Variants in IGFBP5 observed in about 807,000 individuals in gnomAD.
IGFBP5 encodes the protein insulin-like growth factor-binding protein 5.
IGFBP5 carries 12 observed loss-of-function variants against 28.0 expected under a neutral mutation model. The ratio of observed to expected loss-of-function variants is 0.43; its 90% CI spans 0.27 to 0.69. The LOEUF is 0.69. Ranked by LOEUF, IGFBP5 falls within the 30% of genes least tolerant of loss-of-function variation. The probability of loss-of-function intolerance (pLI) is 0.20; values close to 1 mark genes in which losing one functional copy is unlikely to be tolerated. For synonymous variants in IGFBP5, 152 were observed against 150.2 expected (o/e 1.01, Z -0.09); for missense variants, 344 against 381.6 (o/e 0.90, Z 0.82).
In IGFBP5 at chr2:216,674,853, A is replaced by G. The variant is rs11575213; in HGVS notation, c.*1898T>C. ...AAAGACTCGTGGGCCTCAGTCCCTC[A>G]TTGCAGGCTGAAGGTGGGCAGCGGA... On this transcript the variant is annotated 3_prime_UTR_variant, in exon 4 of 4. Coordinates refer to ENST00000233813, the MANE Select transcript of IGFBP5 (RefSeq NM_000599.4). This position sits in a 1 kb window ranked among gnomAD's most constrained non-coding sequence, Gnocchi z 4.4. 0.11 allele frequency: 16,975 copies of G among 152,218 alleles called. 1,854 individuals carry two copies. Among genetic ancestry groups the G allele is most frequent in the African/African-American group, 0.29 (11,871 of 41,462 alleles). 9.4% of individuals were successfully genotyped at this position (152,218 alleles called of 1,614,324 possible).
chr2:216,694,653 G>A lies in IGFBP5; in HGVS notation c.123C>T (p.Ser41=), dbSNP rs764197301. The A allele has an allele frequency of 1.0e-5, 16 of 1,528,094 alleles. No homozygotes were observed. The East Asian group carries it at 3.7e-4, about 35-fold the overall frequency. 94.7% of individuals were successfully genotyped at this position (1,528,094 alleles called of 1,614,324 possible). A position where few individuals can be genotyped will look rare whatever the true frequency, so the allele number is the denominator to read the frequency against. Residue 41 remains serine, a synonymous_variant, in exon 1 of 4, where the codon AGC becomes AGT. Coordinates refer to ENST00000233813, the MANE Select transcript of IGFBP5 (RefSeq NM_000599.4). The surrounding 1 kb of genome is among the most constrained non-coding windows in gnomAD (Gnocchi z 5.2). The stretch of plus-strand genomic sequence containing the variant: ...CCTTGACCAGCTCGCAGCCCAGGGG[G>A]CTGGGGGGGCACATGGAGAGGGCTT... ...DEKALSMCPP[S]PLGCELVKEP...
chr2:216,691,990 C>T (rs950019168), intron 1 of IGFBP5, among the ~76,000 whole-genome samples: 2 of 151,424 alleles, frequency 1.3e-5, no homozygotes, highest in East Asian at 3.9e-4. Context: ...GGAATTTTGG[C>T]TAAAGGACCA....
At chr2:216,693,179 G>A (rs998783368) in intron 1 of IGFBP5, among the ~76,000 whole-genome samples, 1 of 151,420 alleles carries the variant, frequency 6.6e-6, no homozygotes, top group Non-Finnish European at 1.5e-5. Flanking sequence ...TAAAGATCAG[G>A]TAACTCTTTC....
At chr2:216,693,899 G>A (rs866158724) in intron 1 of IGFBP5, among the ~76,000 whole-genome samples, 9 of 152,042 alleles carry the variant, frequency 5.9e-5, no homozygotes, top group Middle Eastern at 3.2e-3. Context: ...TGTAGGGGTG[G>A]AGGGATAGAA....
Position 216,676,796 on chromosome 2 carries a change from G to A in IGFBP5, c.774C>T (p.Asp258=), listed in dbSNP as rs751579385. 2.8e-5 allele frequency: 45 copies of A among 1,613,780 alleles called. No individual in the cohort carries two copies. Among genetic ancestry groups the A allele is most frequent in the Admixed American group, 3.3e-5 (2 of 59,986 alleles). Residue 258 remains aspartate, a synonymous_variant, in exon 4 of 4, where the codon GAC becomes GAT. Coordinates refer to ENST00000233813, the MANE Select transcript of IGFBP5 (RefSeq NM_000599.4). ...CGAAGGTGTGGCACTGAAAGTCCCC[G>A]TCAACGTACTCCATGCCTGGCAGCT... is the stretch of plus-strand genomic sequence containing the variant. ...GMKLPGMEYV[D]GDFQCHTFDS...
rs749566628 is a variant in IGFBP5 at position 216,678,971 on chromosome 2, G to A, written c.446C>T (p.Ala149Val). 1.2e-6 allele frequency: 2 copies of A among 1,614,042 alleles called. No individual in the cohort carries two copies. The highest frequency in any genetic ancestry group is 1.3e-5 in the African/African-American group (1 of 74,924). Residue 149 changes from alanine to valine, a missense_variant, in exon 2 of 4, where the codon GCT (alanine) becomes GTT (valine). Coordinates refer to ENST00000233813, the MANE Select transcript of IGFBP5 (RefSeq NM_000599.4). ...PKHTRISELKAEAVKKDRRKK... is the reference protein window; with the variant it reads ...PKHTRISELKVEAVKKDRRKK... ...TCTGCGGTCCTTCTTCACTGCTTCA[G>A]CCTTCAGCTCGGAGATGCGGGTGTG...
chr2:216,688,841 C>T (rs1689060692), intron 1 of IGFBP5, among the ~76,000 whole-genome samples: 1 of 152,166 alleles, frequency 6.6e-6, no homozygotes, highest in Admixed American at 6.5e-5. Flanking sequence ...CTGCCTCCTT[C>T]CTAAGCATCC....
chr2:216,685,869 T>G lies in IGFBP5; in HGVS notation c.338-6790A>C, dbSNP rs76734699. ...TGGCGCCAGTCTCTCTCAGAAGACA[T>G]TTTTTTTTGTTTTTGTTTTTTGTTT... On this transcript the variant is annotated intron_variant, in intron 1 of 3. Transcript: ENST00000233813. Among the ~76,000 whole-genome samples the G allele has an allele frequency of 2.5e-3, 374 of 151,532 alleles. 3 individuals are homozygous for G. The highest frequency in any genetic ancestry group is 8.6e-3 in the African/African-American group (357 of 41,336).
intron 1 of IGFBP5, among the ~76,000 whole-genome samples, chr2:216,689,493 C>T (rs187259301): frequency 1.3e-5 from 2 of 152,356 alleles, no homozygotes; most frequent in East Asian, 1.9e-4. Context: ...AACAGAGTGC[C>T]TTCAGATTAT....
At position 216,678,219 on chromosome 2, in the gene IGFBP5, T is replaced by C; in HGVS notation, c.580A>G (p.Arg194Gly). Residue 194 changes from arginine to glycine, a missense_variant, in exon 3 of 4, where the codon AGA becomes GGA. Arg to Gly is a moderately radical substitution (Grantham distance 125, BLOSUM62 -2). This residue lies in a region of IGFBP5 where 304 missense variants were observed against 329.2 expected (regional missense o/e 0.92). Coordinates refer to ENST00000233813, the MANE Select transcript of IGFBP5 (RefSeq NM_000599.4). ...RQESEQGPCR[R>G]HMEASLQELK... ...TCCTGCAGGGAAGCCTCCATGTGTC[T>C]GCGGCAGGGGCCCTGTGTGGACAGG... 1.9e-6 allele frequency: 3 copies of C among 1,580,458 alleles called. No homozygotes were observed. The highest frequency in any genetic ancestry group is 8.6e-7 in the Non-Finnish European group (1 of 1,160,698).
chr2:216,685,375 A>G (rs1255346238), intron 1 of IGFBP5, among the ~76,000 whole-genome samples: 1 of 152,170 alleles, frequency 6.6e-6, no homozygotes, highest in Non-Finnish European at 1.5e-5. Flanking sequence ...CAGTCACTCT[A>G]GCCATATTTC....
At chr2:216,677,697 A>C (rs1208114296) in intron 3 of IGFBP5, among the ~76,000 whole-genome samples, 1 of 152,200 alleles carries the variant, frequency 6.6e-6, no homozygotes, top group Admixed American at 6.5e-5. Flanking sequence ...CAGGGATAGG[A>C]TGCCCTTGGA....
chr2:216,688,350 A>C (rs950025225), intron 1 of IGFBP5, among the ~76,000 whole-genome samples: 1 of 152,192 alleles, frequency 6.6e-6, no homozygotes, highest in African/African-American at 2.4e-5. Context: ...GCTAAATATG[A>C]AGGAAAGAAT....
At chr2:216,678,763 C>T (rs113538501) in intron 2 of IGFBP5, 87 bp downstream of exon 2, 3 of 1,150,790 alleles carry the variant, frequency 2.6e-6, no homozygotes, top group African/African-American at 1.5e-5. Context: ...TGGGTCTAGT[C>T]TAGCACCTCC....
chr2:216,689,525 A>G (rs1415882274), intron 1 of IGFBP5, among the ~76,000 whole-genome samples: 1 of 152,226 alleles, frequency 6.6e-6, no homozygotes, highest in Non-Finnish European at 1.5e-5. Flanking sequence ...TCATGGAGTG[A>G]TAGCATCTGG....
At chr2:216,677,703 T>C (rs966859048) in intron 3 of IGFBP5, among the ~76,000 whole-genome samples, 1 of 152,212 alleles carries the variant, frequency 6.6e-6, no homozygotes, top group Non-Finnish European at 1.5e-5. Flanking sequence ...TAGGATGCCC[T>C]TGGAAATCTA....
rs1483972875 is a variant in IGFBP5, at chr2:216,676,874, A to C, written c.696T>G (p.Pro232=). 6.2e-7 allele frequency: 1 copy of C among 1,613,924 alleles called. No individual in the cohort carries two copies. ...AGATGCCACGTTTGCGGCCACGGGA[A>C]GGTTTGCACTGGGGTGAGTAGAGCA... ...KGFYKRKQCK[P]SRGRKRGICW... is the part of the protein sequence containing the mutation. Residue 232 remains proline, a synonymous_variant, in exon 4 of 4, where the codon CCT becomes CCG. Transcript: ENST00000233813.
At chr2:216,680,657 C>G (rs777410813) in intron 1 of IGFBP5, among the ~76,000 whole-genome samples, 1 of 152,160 alleles carries the variant, frequency 6.6e-6, no homozygotes, top group African/African-American at 2.4e-5. Flanking sequence ...CAGAGAAGGT[C>G]CCTGCCCTAA....
At chr2:216,690,189 G>A (rs2106224927) in intron 1 of IGFBP5, among the ~76,000 whole-genome samples, 1 of 152,280 alleles carries the variant, frequency 6.6e-6, no homozygotes, top group South Asian at 2.1e-4. Context: ...GCAATTTAAG[G>A]ATAGTCTCTG....
Sources: allele counts gnomAD v4.1 joint callset (sites outside exome capture counted in the v4.1 genomes callset), GRCh38; gene constraint gnomAD v4.1.1; regional missense constraint gnomAD v4.1.1; non-coding constraint Gnocchi (gnomAD v3.1); transcripts MANE v1.5; gene names NCBI Gene and HGNC (gene_info 2026-07-23, HGNC 2026-07-21).